Variants in ASIC2 observed in about 807,000 individuals in gnomAD.
ASIC2 encodes the protein acid sensing ion channel subunit 2.
A neutral mutation model predicts 57.3 loss-of-function variants in ASIC2; 25 were observed. The ratio of observed to expected loss-of-function variants is 0.44; its 90% CI spans 0.32 to 0.61. ASIC2 has a LOEUF of 0.61. ASIC2 is among the 20% of genes least tolerant of loss of function. ASIC2 has a pLI of 0.06. For missense variants in ASIC2, 641 were observed against 738.1 expected, an observed-to-expected ratio of 0.87 and a Z score of 1.52; for synonymous variants, 319 against 307.5, an observed-to-expected ratio of 1.04 and a Z score of -0.39.
intron 1 of ASIC2, among the ~76,000 whole-genome samples, chr17:33,444,344 G>T (rs1452311393): frequency 6.6e-6 from 1 of 152,170 alleles, no homozygotes; most frequent in Non-Finnish European, 1.5e-5. Flanking sequence ...AAAAAGTCAG[G>T]ACTAGAAATG....
intron 1 of ASIC2, among the ~76,000 whole-genome samples, chr17:33,365,892 G>T (rs537474704): frequency 2.9e-4 from 44 of 152,330 alleles, no homozygotes; most frequent in Non-Finnish European, 4.7e-4. Context: ...CATTGGCAAG[G>T]TAGGACTTGC....
chr17:33,494,218 CTGT>C (rs2141936663), intron 1 of ASIC2, among the ~76,000 whole-genome samples: 2 of 152,316 alleles, frequency 1.3e-5, no homozygotes, highest in East Asian at 3.9e-4. Flanking sequence ...TTCTGCGTGC[CTGT>C]TGTTTGGGGA....
chr17:33,974,601 T>A (rs1250403257), intron 1 of ASIC2, among the ~76,000 whole-genome samples: 2 of 101,220 alleles, frequency 2.0e-5, no homozygotes, highest in Non-Finnish European at 4.0e-5. Flanking sequence ...GATAGGAACC[T>A]ATCTATCCAT....
chr17:33,918,800 C>A (rs538246522), intron 1 of ASIC2, among the ~76,000 whole-genome samples: 9 of 152,330 alleles, frequency 5.9e-5, no homozygotes, highest in East Asian at 5.8e-4. Flanking sequence ...AGGGCTTGAT[C>A]TGGAGAAGCT....
At chr17:33,308,816 G>C (rs771001177) in intron 1 of ASIC2, among the ~76,000 whole-genome samples, 1 of 151,636 alleles carries the variant, frequency 6.6e-6, no homozygotes, top group Non-Finnish European at 1.5e-5. Flanking sequence ...AAGGTAAAGT[G>C]CCTTTTTTTG....
At chr17:33,432,500 G>A (rs1233006791) in intron 1 of ASIC2, among the ~76,000 whole-genome samples, 1 of 152,088 alleles carries the variant, frequency 6.6e-6, no homozygotes, top group Admixed American at 6.5e-5. Flanking sequence ...CTGCCTTCCA[G>A]CCTGGGCAAA....
intron 1 of ASIC2, among the ~76,000 whole-genome samples, chr17:33,115,531 G>A (rs564503079): frequency 1.4e-4 from 21 of 152,166 alleles, no homozygotes; most frequent in African/African-American, 3.4e-4. Context: ...GCTCTTCCCC[G>A]CCAGGCATTT....
chr17:33,032,440 GTTTTTT>G (rs60183644), intron 3 of ASIC2, among the ~76,000 whole-genome samples: 5 of 94,118 alleles, frequency 5.3e-5, no homozygotes, highest in African/African-American at 9.4e-5. Flanking sequence ...ATAATACACT[GTTTTTT>G]TTTTTTTTTT....
At chr17:33,334,509 T>C (rs542374997) in intron 1 of ASIC2, among the ~76,000 whole-genome samples, 1 of 152,294 alleles carries the variant, frequency 6.6e-6, no homozygotes, top group South Asian at 2.1e-4. Flanking sequence ...GGACCAACTG[T>C]CCTTTTGTGA....
intron 1 of ASIC2, among the ~76,000 whole-genome samples, chr17:33,977,282 G>A (rs769420813): frequency 1.1e-4 from 16 of 152,188 alleles, no homozygotes; most frequent in Admixed American, 2.6e-4. Flanking sequence ...GACCACAGGG[G>A]TAGTTGGAGG....
intron 1 of ASIC2, among the ~76,000 whole-genome samples, chr17:33,668,470 G>A (rs1335467665): frequency 6.6e-6 from 1 of 151,774 alleles, no homozygotes; most frequent in Non-Finnish European, 1.5e-5. Flanking sequence ...AGCAGTAAGG[G>A]GCAAAGTTCT....
chr17:33,904,924 G>A (rs1264366980), intron 1 of ASIC2, among the ~76,000 whole-genome samples: 2 of 152,108 alleles, frequency 1.3e-5, no homozygotes, highest in Admixed American at 6.5e-5. Context: ...ATTACAGAAT[G>A]TCCTTTCCCT....
chr17:34,087,384 T>C (rs1910149657), intron 1 of ASIC2, among the ~76,000 whole-genome samples: 1 of 152,176 alleles, frequency 6.6e-6, no homozygotes, highest in South Asian at 2.1e-4. Flanking sequence ...CTCTTCTGGC[T>C]TGTAGAGTTT....
At chr17:34,129,235 G>C (rs769638226) in intron 1 of ASIC2, among the ~76,000 whole-genome samples, 1 of 152,120 alleles carries the variant, frequency 6.6e-6, no homozygotes, top group Non-Finnish European at 1.5e-5. Flanking sequence ...GTGGGGACTA[G>C]GATCACCCCA....
chr17:33,607,949 G>A (rs953014823), intron 1 of ASIC2, among the ~76,000 whole-genome samples: 6 of 152,120 alleles, frequency 3.9e-5, no homozygotes, highest in African/African-American at 1.2e-4. Context: ...GTGTTCAACC[G>A]GAAGACTTTG....
intron 3 of ASIC2, among the ~76,000 whole-genome samples, chr17:33,031,539 T>A (rs2091883652): frequency 1.3e-5 from 2 of 152,212 alleles, no homozygotes; most frequent in African/African-American, 4.8e-5. Context: ...TTTTGTTGAA[T>A]GTTCCACGTG....
At chr17:34,019,687 TA>T (rs1406991576) in intron 1 of ASIC2, among the ~76,000 whole-genome samples, 2 of 152,378 alleles carry the variant, frequency 1.3e-5, no homozygotes, top group Middle Eastern at 3.4e-3. Context: ...CAATAACTTT[TA>T]TATGCACTGA....
At chr17:33,232,015 C>A (rs989095656) in intron 1 of ASIC2, among the ~76,000 whole-genome samples, 49 of 152,268 alleles carry the variant, frequency 3.2e-4, no homozygotes, top group African/African-American at 1.1e-3. Context: ...CTGACACACT[C>A]CTAAATAAAT....
chr17:33,401,145 G>A (rs1021571797), intron 1 of ASIC2, among the ~76,000 whole-genome samples: 2 of 152,176 alleles, frequency 1.3e-5, no homozygotes, highest in African/African-American at 2.4e-5. Flanking sequence ...ATCCGGGAGA[G>A]CCACCTGTCA....
Sources: gnomAD v4.1 joint callset for allele counts (sites outside exome capture counted in the v4.1 genomes callset) on GRCh38, gnomAD v4.1.1 for gene constraint, MANE v1.5 for transcripts, NCBI Gene and HGNC (gene_info 2026-07-23, HGNC 2026-07-21) for gene names.